The following EBF4 variants were observed in gnomAD, a reference collection of about 807,000 sequenced individuals.
EBF4 encodes transcription factor COE4.
EBF4 carries 34 observed loss-of-function variants against 67.1 expected under a neutral mutation model. The observed-to-expected ratio is 0.51, with a 90% CI of 0.39 to 0.67. The LOEUF is 0.67. Ranked by LOEUF, EBF4 falls within the 30% of genes least tolerant of loss-of-function variation. The pLI is 0.00. For missense variants in EBF4, 837 were observed against 873.3 expected (o/e 0.96, Z 0.52); for synonymous variants, 387 against 377.7 (o/e 1.02, Z -0.29).
At chr20:2,699,820 T>C (rs7363685) in intron 1 of EBF4, among the ~76,000 whole-genome samples, 1 of 152,236 alleles carries the variant, frequency 6.6e-6, no homozygotes, top group Non-Finnish European at 1.5e-5. Flanking sequence ...TGTCATAAAC[T>C]GATACCTGCC....
At chr20:2,759,113 C>T (rs888866085) in intron 16 of EBF4, 129 bp downstream of exon 16, 1 of 906,760 alleles carries the variant, frequency 1.1e-6, no homozygotes, top group African/African-American at 1.7e-5. Flanking sequence ...AGCTGGGGTC[C>T]AAGTCTTCCT....
At position 2,745,151 on chromosome 20, in the gene EBF4, C is replaced by T. The variant is rs1321237044; in HGVS notation, c.558-3398C>T. Among the ~76,000 whole-genome samples, 3 of 152,214 alleles carry T rather than the reference C, an allele frequency of 2.0e-5. No individual in the cohort carries two copies. Among genetic ancestry groups the T allele is most frequent in the African/African-American group, 7.2e-5 (3 of 41,442 alleles). On this transcript the variant is annotated intron_variant, in intron 6 of 16. Transcript: ENST00000609451. This position sits in a 1 kb window ranked among gnomAD's most constrained non-coding sequence, Gnocchi z 5.2. ...TATGAATGCAGAGATGTGATTCTGA[C>T]TCAGCAGGTCTGAGGGGAGGCCTGA... is the stretch of plus-strand genomic sequence containing the variant.
chr20:2,740,745 T>C (rs1028407), intron 6 of EBF4, among the ~76,000 whole-genome samples: 73,296 of 151,806 alleles, frequency 0.48, 18,417 homozygotes, highest in East Asian at 0.61. Flanking sequence ...ATAGAGGGAG[T>C]TTAACAAGGA....
chr20:2,738,452 A>C (rs1159102577), intron 6 of EBF4, among the ~76,000 whole-genome samples: 1 of 152,106 alleles, frequency 6.6e-6, no homozygotes, highest in African/African-American at 2.4e-5. Flanking sequence ...CATTGACAGA[A>C]GACTCCCCAG....
chr20:2,731,905 A>G (rs2146447956), intron 6 of EBF4, among the ~76,000 whole-genome samples: 1 of 152,258 alleles, frequency 6.6e-6, no homozygotes, highest in African/African-American at 2.4e-5. Flanking sequence ...GCCACTTCAC[A>G]TTGTGTGTGC....
At chr20:2,752,332 C>A in intron 13 of EBF4, 25 bp from the exon 14 acceptor site, 2 of 1,199,458 alleles carry the variant, frequency 1.7e-6, no homozygotes, top group Non-Finnish European at 2.1e-6. Context: ...GCACCGCCCC[C>A]TGACGGCCGC....
intron 6 of EBF4, among the ~76,000 whole-genome samples, chr20:2,727,190 A>G (rs546725906): frequency 3.6e-4 from 54 of 152,110 alleles, no homozygotes; most frequent in Non-Finnish European, 6.8e-4. Flanking sequence ...ACATGTATAT[A>G]TATTTTATTA....
At chr20:2,710,249 G>A (rs1222126170) in intron 6 of EBF4, among the ~76,000 whole-genome samples, 2 of 152,056 alleles carry the variant, frequency 1.3e-5, no homozygotes, top group African/African-American at 2.4e-5. Flanking sequence ...CCGAGGTTCC[G>A]GTGATCCTCC....
Position 2,751,686 on chromosome 20 carries a change from G to A in EBF4, c.1019-14G>A, listed in dbSNP as rs1254546135. The A allele has an allele frequency of 4.5e-6, 7 of 1,550,110 alleles. No homozygotes were observed. The South Asian group carries it at 4.8e-5, about 11-fold the overall frequency. ...GCGGGGGAGACGTCCTCCAAACGCC[G>A]CCCCCTTCCCCAGCTCTGAACGAGC... On this transcript the variant is annotated splice_polypyrimidine_tract_variant and intron_variant, in intron 10 of 16. Coordinates refer to ENST00000609451, the Ensembl canonical transcript of EBF4. The surrounding 1 kb of genome is among the most constrained non-coding windows in gnomAD (Gnocchi z 5.2).
At chr20:2,716,635 A>G (rs78438506) in intron 6 of EBF4, among the ~76,000 whole-genome samples, 15,737 of 152,044 alleles carry the variant, frequency 0.1, 898 homozygotes, top group Admixed American at 0.14. Flanking sequence ...TGTCATCCCT[A>G]TGGAACTAAT....
chr20:2,720,835 A>G (rs1047737678), intron 6 of EBF4, among the ~76,000 whole-genome samples: 2 of 152,100 alleles, frequency 1.3e-5, no homozygotes, highest in African/African-American at 4.8e-5. Context: ...TGTGAAAGCT[A>G]TTTTGCTGGG....
At position 2,742,208 on chromosome 20, in the gene EBF4, G is replaced by T. The variant is rs565658598; in HGVS notation, c.558-6341G>T. Among the ~76,000 whole-genome samples, 199 of 152,232 alleles carry T rather than the reference G, an allele frequency of 1.3e-3. 1 individual carries two copies. Among genetic ancestry groups the T allele is most frequent in the Middle Eastern group, 6.8e-3 (2 of 294 alleles). On this transcript the variant is annotated intron_variant, in intron 6 of 16. Transcript: ENST00000609451. ...TCATATCCTTACTTTAGCATTGACT[G>T]TGACTTTGTCAAGTCACAGTCAATA...
rs1395802742 is a variant in EBF4 at position 2,709,659 on chromosome 20, G to A, written c.557+17G>A. On this transcript the variant is annotated intron_variant, in intron 6 of 16. Transcript: ENST00000609451. The stretch of plus-strand genomic sequence containing the variant: ...CATTGACAGGTACAGGCTCAGGGAG[G>A]GGGCCTGGAAGCTCAGAGGAGAGTG... The A allele has an allele frequency of 2.6e-6, 4 of 1,526,748 alleles. No individual in the cohort carries two copies. 94.6% of individuals were successfully genotyped at this position (1,526,748 alleles called of 1,614,324 possible). A position where few individuals can be genotyped will look rare whatever the true frequency, so the allele number is the denominator to read the frequency against.
At chr20:2,742,104 C>G (rs893813963) in intron 6 of EBF4, among the ~76,000 whole-genome samples, 3 of 152,218 alleles carry the variant, frequency 2.0e-5, no homozygotes, top group African/African-American at 7.2e-5. Flanking sequence ...CAGTACCAGC[C>G]TGGGTCGGAC....
chr20:2,701,363 TC>T (rs941307335), intron 1 of EBF4, among the ~76,000 whole-genome samples: 8 of 152,314 alleles, frequency 5.3e-5, no homozygotes, highest in African/African-American at 1.9e-4. Context: ...GAACCTGCTG[TC>T]TTCCCCCCTC....
intron 1 of EBF4, among the ~76,000 whole-genome samples, chr20:2,702,491 T>C (rs745662842): frequency 6.6e-6 from 1 of 151,974 alleles, no homozygotes; most frequent in African/African-American, 2.4e-5. Context: ...AGAAGACTTA[T>C]GGCTTCTGCC....
intron 7 of EBF4, among the ~76,000 whole-genome samples, chr20:2,748,970 CA>C (rs1033840672): frequency 2.0e-5 from 3 of 152,190 alleles, no homozygotes; most frequent in Non-Finnish European, 2.9e-5. Context: ...CCTCTCAGTG[CA>C]GGGCGGGGGA....
At chr20:2,738,371 G>T (rs6051352) in intron 6 of EBF4, among the ~76,000 whole-genome samples, 21 of 151,998 alleles carry the variant, frequency 1.4e-4, no homozygotes, top group African/African-American at 5.1e-4. Flanking sequence ...TGCCGTCCAT[G>T]CCCCATCCCC....
rs6051246 is a variant in EBF4 at position 2,697,414 on chromosome 20, G to T, written c.137+3632G>T. Among the ~76,000 whole-genome samples, 6 of 150,408 alleles carry T rather than the reference G, an allele frequency of 4.0e-5. No homozygotes were observed. The South Asian group carries it at 6.3e-4, about 16-fold the overall frequency. On this transcript the variant is annotated intron_variant, in intron 1 of 16. Coordinates refer to ENST00000609451, the Ensembl canonical transcript of EBF4. ...CAAAAAATTAGCCGGGCGTGGTGGCGGGCGCCTGTAGTCCCAGCTACTCAG... is the reference window on the plus strand; with the variant it reads ...CAAAAAATTAGCCGGGCGTGGTGGCTGGCGCCTGTAGTCCCAGCTACTCAG...
Sources: allele counts gnomAD v4.1 joint callset (sites outside exome capture counted in the v4.1 genomes callset), GRCh38; gene constraint gnomAD v4.1.1; non-coding constraint Gnocchi (gnomAD v3.1); transcripts MANE v1.5; gene names NCBI Gene and HGNC (gene_info 2026-07-23, HGNC 2026-07-21).